The following PHB1 variants were observed in gnomAD, a reference collection of about 807,000 sequenced individuals.
The protein encoded by PHB1 is prohibitin 1.
the PHB1 span, chr17:49,413,280 A>T: frequency 6.3e-7 from 1 of 1,584,972 alleles, no homozygotes; most frequent in Non-Finnish European, 8.6e-7. Context: ...CTTCTGCTGG[A>T]CCCTCTCACA....
the PHB1 span, among the ~76,000 whole-genome samples, chr17:49,411,062 T>C: frequency 3.9e-5 from 6 of 152,166 alleles, no homozygotes; most frequent in Non-Finnish European, 5.9e-5. Context: ...AGGTGGGCAA[T>C]GTATTAATAC....
the PHB1 span, chr17:49,404,473 A>G: frequency 6.7e-5 from 13 of 194,132 alleles, no homozygotes; most frequent in East Asian, 1.8e-3. Context: ...ATGGTAACAG[A>G]CAGACCACTT....
the PHB1 span, among the ~76,000 whole-genome samples, chr17:49,405,645 C>T: frequency 6.6e-6 from 1 of 152,120 alleles, no homozygotes; most frequent in Non-Finnish European, 1.5e-5. Flanking sequence ...TGTGGTGGCT[C>T]ATGCCTGTAA....
the PHB1 span, chr17:49,408,742 G>A: frequency 3.5e-6 from 1 of 282,024 alleles, no homozygotes; most frequent in Non-Finnish European, 6.7e-6. Context: ...TGTCAAACAG[G>A]GTTAACAAGG....
chr17:49,410,500 T>C, the PHB1 span, among the ~76,000 whole-genome samples: 120 of 152,326 alleles, frequency 7.9e-4, no homozygotes, highest in Middle Eastern at 3.4e-3. Context: ...TAATTCAGAT[T>C]ATATGTCTAA....
the PHB1 span, among the ~76,000 whole-genome samples, chr17:49,409,690 C>T: frequency 1.3e-4 from 20 of 151,570 alleles, no homozygotes; most frequent in East Asian, 5.8e-4. Context: ...TACAGGCACG[C>T]GCCGCCACAC....
At chr17:49,411,707 C>T in the PHB1 span, 7 of 1,613,960 alleles carry the variant, frequency 4.3e-6, no homozygotes, top group African/African-American at 1.3e-5. Context: ...TGGCACATTA[C>T]GTGGTCGAGA....
the PHB1 span, chr17:49,406,642 G>A: frequency 1.3e-6 from 1 of 771,676 alleles, no homozygotes; most frequent in South Asian, 1.5e-5. Flanking sequence ...AGCCCCTTCT[G>A]ATTATCCCGG....
the PHB1 span, among the ~76,000 whole-genome samples, chr17:49,408,563 A>G: frequency 6.6e-6 from 1 of 152,124 alleles, no homozygotes; most frequent in Non-Finnish European, 1.5e-5. Flanking sequence ...GGGGAATCCA[A>G]CCGTTCGTTT....
the PHB1 span, chr17:49,405,012 G>A: frequency 2.6e-6 from 4 of 1,555,678 alleles, no homozygotes; most frequent in African/African-American, 1.4e-5. Context: ...AGCTGGAGGA[G>A]CACGGACTGC....
At chr17:49,412,991 A>G in the PHB1 span, 1 of 557,740 alleles carries the variant, frequency 1.8e-6, no homozygotes, top group South Asian at 2.1e-5. Flanking sequence ...GAGAGAACCT[A>G]TGACTGAAAG....
the PHB1 span, chr17:49,408,743 G>GTTAA: frequency 2.4e-5 from 7 of 287,010 alleles, no homozygotes; most frequent in Non-Finnish European, 4.6e-5. Flanking sequence ...GTCAAACAGG[G>GTTAA]TTAACAAGGC....
At chr17:49,412,114 A>G in the PHB1 span, 1 of 363,178 alleles carries the variant, frequency 2.8e-6, no homozygotes, top group Non-Finnish European at 5.0e-6. Flanking sequence ...CTGAATGACC[A>G]TTCTATCCCT....
the PHB1 span, chr17:49,412,874 C>T: frequency 7.7e-6 from 2 of 259,364 alleles, no homozygotes; most frequent in Middle Eastern, 1.2e-3. Flanking sequence ...AATCCAGACA[C>T]TGTGCGGCAG....
At chr17:49,413,210 C>A in the PHB1 span, 1 of 1,612,808 alleles carries the variant, frequency 6.2e-7, no homozygotes, top group Admixed American at 1.7e-5. Flanking sequence ...ACGCCTCCTG[C>A]AACAGCTAAG....
At chr17:49,413,044 G>C in the PHB1 span, 3 of 657,642 alleles carry the variant, frequency 4.6e-6, no homozygotes, top group South Asian at 5.2e-5. Context: ...GTATGAAATG[G>C]CAGGAGGTGA....
chr17:49,409,554 T>G, the PHB1 span: 4 of 926,272 alleles, frequency 4.3e-6, no homozygotes, highest in South Asian at 8.4e-5. Context: ...TTTTTTTTTT[T>G]TTTTGAGACA....
chr17:49,411,642 A>G, the PHB1 span: 1 of 1,592,666 alleles, frequency 6.3e-7, no homozygotes, highest in African/African-American at 1.3e-5. Flanking sequence ...CCTCTTCCAC[A>G]CTCCCTACTT....
At chr17:49,404,754 A>C in the PHB1 span, 1 of 551,144 alleles carries the variant, frequency 1.8e-6, no homozygotes, top group African/African-American at 1.9e-5. Flanking sequence ...TTGCATAGGC[A>C]CTTGGCAATT....
Sources: gnomAD v4.1 joint callset for allele counts (sites outside exome capture counted in the v4.1 genomes callset) on GRCh38, gnomAD v4.1.1 for gene constraint, MANE v1.5 for transcripts, NCBI Gene and HGNC (gene_info 2026-07-23, HGNC 2026-07-21) for gene names.